The following CYP4Z1 variants were observed in gnomAD, a reference collection of about 807,000 sequenced individuals.
The protein encoded by CYP4Z1 is cytochrome P450 family 4 subfamily Z member 1.
A neutral mutation model predicts 54.2 loss-of-function variants in CYP4Z1; 41 were observed. The observed-to-expected ratio is 0.76, with a 90% CI of 0.59 to 0.98. The LOEUF is 0.98. CYP4Z1 is among the 50% of genes least tolerant of loss of function. The pLI is 0.00. For synonymous variants in CYP4Z1, 163 were observed against 206.2 expected (o/e 0.79, Z 1.79); for missense variants, 513 against 599.0 (o/e 0.86, Z 1.50).
intron 6 of CYP4Z1, 109 bp downstream of exon 6, chr1:47,085,087 A>G (rs1165353774): frequency 1.7e-6 from 1 of 595,442 alleles, no homozygotes; most frequent in African/African-American, 1.9e-5. Flanking sequence ...CATGGTCATC[A>G]TTCAGAAATG....
At chr1:47,116,606 G>A (rs1442387609) in intron 10 of CYP4Z1, 44 bp from the exon 11 acceptor site, 1 of 1,256,506 alleles carries the variant, frequency 8.0e-7, no homozygotes, top group Non-Finnish European at 1.1e-6. Flanking sequence ...TTTTGTGGGG[G>A]TGGGCTGGAG....
At chr1:47,093,808 G>C (rs1206605921) in intron 6 of CYP4Z1, among the ~76,000 whole-genome samples, 1 of 152,162 alleles carries the variant, frequency 6.6e-6, no homozygotes, top group Non-Finnish European at 1.5e-5. Context: ...GGCACAAAAA[G>C]GAAACGTTGG....
In CYP4Z1 at chr1:47,095,941, G is replaced by A. The variant is rs149546431; in HGVS notation, c.876+1272G>A. On this transcript the variant is annotated intron_variant, in intron 7 of 11. Transcript: ENST00000334194. ...CTCTGTGAGGGACCAAAAATAAATA[G>A]ATACTCTGTGAGGGACCAAAATAAA... Among the ~76,000 whole-genome samples the A allele has an allele frequency of 5.0e-3, 756 of 152,164 alleles. 7 individuals carry two copies. Among genetic ancestry groups the A allele is most frequent in the African/African-American group, 0.017 (708 of 41,506 alleles).
chr1:47,058,036 A>T, the CYP4Z1 span, among the ~76,000 whole-genome samples: 5 of 152,144 alleles, frequency 3.3e-5, no homozygotes, highest in African/African-American at 4.8e-5. Context: ...ATTCTTTTTT[A>T]AAAAAACTAT....
chr1:47,067,988 G>T (rs1041692807), intron 1 of CYP4Z1, among the ~76,000 whole-genome samples: 1 of 152,186 alleles, frequency 6.6e-6, no homozygotes, highest in African/African-American at 2.4e-5. Flanking sequence ...GTGTTCTAGA[G>T]AGAAATAGAC....
At chr1:47,065,075 A>G (rs761737144), upstream of CYP4Z1, among the ~76,000 whole-genome samples, 36 of 152,178 alleles carry the variant, frequency 2.4e-4, no homozygotes, top group African/African-American at 3.9e-4. Flanking sequence ...CAACAACACA[A>G]TAATAGTGGG....
chr1:47,085,084 A>G (rs1644582947), intron 6 of CYP4Z1, 106 bp downstream of exon 6: 1 of 595,472 alleles, frequency 1.7e-6, no homozygotes, highest in Admixed American at 3.0e-5. Flanking sequence ...TGGCATGGTC[A>G]TCATTCAGAA....
intron 6 of CYP4Z1, among the ~76,000 whole-genome samples, chr1:47,088,401 A>T (rs1413171373): frequency 6.6e-6 from 1 of 152,022 alleles, no homozygotes; most frequent in Non-Finnish European, 1.5e-5. Flanking sequence ...CAGAGATTCA[A>T]CTTCTTCCTG....
intron 7 of CYP4Z1, among the ~76,000 whole-genome samples, chr1:47,096,171 G>A (rs928721040): frequency 2.6e-5 from 4 of 152,128 alleles, no homozygotes; most frequent in Non-Finnish European, 5.9e-5. Context: ...GTAATCCAGC[G>A]ACTCAGAAGA....
At chr1:47,091,727 TAA>T (rs1173687112) in intron 6 of CYP4Z1, among the ~76,000 whole-genome samples, 3 of 149,854 alleles carry the variant, frequency 2.0e-5, no homozygotes, top group African/African-American at 7.3e-5. Flanking sequence ...TGTAAACAGT[TAA>T]ATTATTTCCT....
Position 47,106,169 on chromosome 1 carries a change from A to G in CYP4Z1, c.1109A>G (p.Lys370Arg), listed in dbSNP as rs1160349659. The G allele has an allele frequency of 1.2e-6, 2 of 1,613,980 alleles. No homozygotes were observed. The highest frequency in any genetic ancestry group is 1.7e-6 in the Non-Finnish European group (2 of 1,179,978). The part of the protein sequence containing the change: ...SQMPYTTMCI[K>R]ECLRLYAPVV... ...ATGCCTTACACCACGATGTGCATCA[A>G]GGAATGCCTCCGCCTCTACGCACCG... The change falls in exon 9 of 12, where the codon AAG becomes AGG. Residue 370 changes from lysine (K) to arginine (R), a missense_variant. Coordinates refer to ENST00000334194, the MANE Select transcript of CYP4Z1 (RefSeq NM_178134.3).
intron 10 of CYP4Z1, among the ~76,000 whole-genome samples, chr1:47,115,863 A>G (rs1426336311): frequency 1.3e-5 from 2 of 152,290 alleles, no homozygotes; most frequent in Admixed American, 1.3e-4. Flanking sequence ...CTGTTTAACC[A>G]CCTTGCTCTC....
chr1:47,073,740 C>T (rs1467956874), intron 2 of CYP4Z1, among the ~76,000 whole-genome samples: 4 of 151,178 alleles, frequency 2.6e-5, no homozygotes, highest in African/African-American at 4.8e-5. Flanking sequence ...TTTGCTGGCC[C>T]ATTGTTTATC....
At chr1:47,067,721 A>C (rs1024442605) in intron 1 of CYP4Z1, 54 bp downstream of exon 1, 45 of 1,486,926 alleles carry the variant, frequency 3.0e-5, no homozygotes, top group South Asian at 2.7e-4. Context: ...TGAGGTATTA[A>C]AAAAAAACAG....
At chr1:47,068,341 A>G (rs2148524108) in intron 1 of CYP4Z1, among the ~76,000 whole-genome samples, 1 of 152,352 alleles carries the variant, frequency 6.6e-6, no homozygotes, top group African/African-American at 2.4e-5. Context: ...TAGATAATGA[A>G]TAAGTGTCAG....
At chr1:47,111,574 C>A (rs771050067) in intron 9 of CYP4Z1, among the ~76,000 whole-genome samples, 1 of 152,130 alleles carries the variant, frequency 6.6e-6, no homozygotes, top group Non-Finnish European at 1.5e-5. Context: ...CAAAGACCTA[C>A]GCAAACCAAA....
intron 8 of CYP4Z1, among the ~76,000 whole-genome samples, chr1:47,102,660 G>C (rs1644729427): frequency 6.6e-6 from 1 of 152,160 alleles, no homozygotes; most frequent in South Asian, 2.1e-4. Context: ...CTCCTGGCCT[G>C]AAAGGCTTCT....
At chr1:47,111,951 T>TAAAG (rs1644794754) in intron 9 of CYP4Z1, among the ~76,000 whole-genome samples, 1 of 152,198 alleles carries the variant, frequency 6.6e-6, no homozygotes, top group Non-Finnish European at 1.5e-5. Context: ...GGTTTGCCAC[T>TAAAG]AAAGCAGCAT....
chr1:47,057,335 A>AAAAAAAAAAAAAAT, the CYP4Z1 span, among the ~76,000 whole-genome samples: 90 of 28,422 alleles, frequency 3.2e-3, no homozygotes, highest in Non-Finnish European at 5.2e-3. Flanking sequence ...AAGAAAAAAA[A>AAAAAAAAAAAAAAT]ATATATATAT....
Sources: gnomAD v4.1 joint callset for allele counts (sites outside exome capture counted in the v4.1 genomes callset) on GRCh38, gnomAD v4.1.1 for gene constraint, MANE v1.5 for transcripts, NCBI Gene and HGNC (gene_info 2026-07-23, HGNC 2026-07-21) for gene names.